The following ZNF804B variants were observed in gnomAD, a reference collection of about 807,000 sequenced individuals.
The protein encoded by ZNF804B is zinc finger 804B.
A neutral mutation model predicts 101.4 loss-of-function variants in ZNF804B; 80 were observed. That is an observed-to-expected ratio of 0.79 (90% CI 0.66 to 0.95). ZNF804B has a LOEUF of 0.95. Among genes scored for constraint, ZNF804B ranks in the 40% least tolerant of loss-of-function variants. The probability of loss-of-function intolerance (pLI) is 0.00; values close to 1 mark genes in which losing one functional copy is unlikely to be tolerated. For missense variants in ZNF804B, 1,673 were observed against 1,561.9 expected, an observed-to-expected ratio of 1.07 and a Z score of -1.20; for synonymous variants, 622 against 558.8, an observed-to-expected ratio of 1.11 and a Z score of -1.59.
In ZNF804B at chr7:89,164,839, C is replaced by G. The variant is rs542019221; in HGVS notation, c.109-53316C>G. Among the ~76,000 whole-genome samples the G allele has an allele frequency of 9.3e-4, 142 of 152,074 alleles. 1 individual carries two copies. Among genetic ancestry groups the G allele is most frequent in the African/African-American group, 3.3e-3 (138 of 41,510 alleles). Reference sequence around the variant, plus strand: ...CTTTTAGATATCAGTACCATTGTCTCTAGGCTAAATAATGAGATTAAGGAT... The same window carrying G: ...CTTTTAGATATCAGTACCATTGTCTGTAGGCTAAATAATGAGATTAAGGAT... On this transcript the variant is annotated intron_variant, in intron 1 of 3. Transcript: ENST00000333190.
At chr7:89,162,194 T>C (rs1046991679) in intron 1 of ZNF804B, among the ~76,000 whole-genome samples, 4 of 152,156 alleles carry the variant, frequency 2.6e-5, no homozygotes, top group African/African-American at 9.7e-5. Flanking sequence ...TTTTAACAAG[T>C]ATAGATACAC....
chr7:89,334,498 T>G lies in ZNF804B; in HGVS notation c.1516T>G (p.Leu506Val). ...AAAAACAGAATTGGGTAAGAAGCCC[T>G]TGGAATTGAAGACTAAAAGAGAGAG... ...DLKTELGKKP[L>V]ELKTKRESQV... The change falls in exon 4 of 4, where the codon TTG becomes GTG. Residue 506 changes from leucine (L) to valine (V), a missense_variant. Leu to Val is a conservative substitution (Grantham distance 32). Coordinates refer to ENST00000333190, the MANE Select transcript of ZNF804B (RefSeq NM_181646.5). 1 of 1,613,686 alleles carries G rather than the reference T, an allele frequency of 6.2e-7. No homozygotes were observed. Among genetic ancestry groups the G allele is most frequent in the Non-Finnish European group, 8.5e-7 (1 of 1,179,806 alleles).
At position 88,867,038 on chromosome 7, in the gene ZNF804B, C is replaced by T. The variant is rs950980142; in HGVS notation, c.108+106954C>T. Among the ~76,000 whole-genome samples, 6 of 152,196 alleles carry T rather than the reference C, an allele frequency of 3.9e-5. No homozygotes were observed. In the East Asian group the frequency reaches 5.8e-4, roughly 15 times the overall value. Reference sequence around the variant, plus strand: ...TTTGTGGCCATATGCACACAGTAGACTCTTATTAGTGGAATGATGAGTACA... The same window carrying T: ...TTTGTGGCCATATGCACACAGTAGATTCTTATTAGTGGAATGATGAGTACA... On this transcript the variant is annotated intron_variant, in intron 1 of 3. Coordinates refer to ENST00000333190, the MANE Select transcript of ZNF804B (RefSeq NM_181646.5).
intron 1 of ZNF804B, among the ~76,000 whole-genome samples, chr7:89,075,160 A>G (rs1789596324): frequency 6.6e-6 from 1 of 152,218 alleles, no homozygotes; most frequent in Non-Finnish European, 1.5e-5. Flanking sequence ...TTCTAAGGAC[A>G]AATTCAAGCT....
chr7:89,022,191 A>C (rs564353547), intron 1 of ZNF804B, among the ~76,000 whole-genome samples: 3 of 152,028 alleles, frequency 2.0e-5, no homozygotes, highest in African/African-American at 7.2e-5. Context: ...GGGACCTCTC[A>C]TCTCCCCTGC....
In ZNF804B at chr7:88,800,629, G is replaced by A. The variant is rs1790563142; in HGVS notation, c.108+40545G>A. Among the ~76,000 whole-genome samples, 3 of 151,724 alleles carry A rather than the reference G, an allele frequency of 2.0e-5. No individual in the cohort carries two copies. In the South Asian group the frequency reaches 6.2e-4, roughly 32 times the overall value. On this transcript the variant is annotated intron_variant, in intron 1 of 3. Transcript: ENST00000333190. ...ATGAACAATGAAAGCACAAAATTTGGAAACATTTAAATTTGGCTGGAAGAA... is the reference window on the plus strand; with the variant it reads ...ATGAACAATGAAAGCACAAAATTTGAAAACATTTAAATTTGGCTGGAAGAA...
At chr7:88,944,794 T>A (rs920837786) in intron 1 of ZNF804B, among the ~76,000 whole-genome samples, 1 of 151,884 alleles carries the variant, frequency 6.6e-6, no homozygotes, top group East Asian at 1.9e-4. Context: ...CCAAAACTTT[T>A]TGAGTGCTGA....
At chr7:88,763,771 AT>A in intron 1 of ZNF804B, among the ~76,000 whole-genome samples, 1 of 152,184 alleles carries the variant, frequency 6.6e-6, no homozygotes, top group East Asian at 1.9e-4. Flanking sequence ...AGATAGATAG[AT>A]AGATAGATAG....
rs116872876 is a variant in ZNF804B, at chr7:89,332,621, A to G, written c.381-742A>G. Among the ~76,000 whole-genome samples, 1,161 of 151,996 alleles carry G rather than the reference A, an allele frequency of 7.6e-3. 11 individuals are homozygous for G. Among genetic ancestry groups the G allele is most frequent in the Admixed American group, 0.015 (231 of 15,208 alleles). On this transcript the variant is annotated intron_variant, in intron 3 of 3. Transcript: ENST00000333190. The stretch of plus-strand genomic sequence containing the variant: ...TCTCTTATATATGTTGATATTTTCA[A>G]TCTTCTGTATGAATTGCTAATGAAG...
At chr7:89,229,880 A>C (rs1789162569) in intron 2 of ZNF804B, among the ~76,000 whole-genome samples, 1 of 152,214 alleles carries the variant, frequency 6.6e-6, no homozygotes, top group South Asian at 2.1e-4. Flanking sequence ...ATCACAATGT[A>C]ATTAAACTAG....
chr7:88,856,195 G>A (rs1426878748), intron 1 of ZNF804B, among the ~76,000 whole-genome samples: 1 of 152,094 alleles, frequency 6.6e-6, no homozygotes, highest in Non-Finnish European at 1.5e-5. Flanking sequence ...ATTACCTTGG[G>A]CAGCATGGCC....
At chr7:89,236,522 A>G (rs1444640092) in intron 2 of ZNF804B, among the ~76,000 whole-genome samples, 1 of 152,150 alleles carries the variant, frequency 6.6e-6, no homozygotes, top group Admixed American at 6.5e-5. Flanking sequence ...TAAAATTAGA[A>G]CTTTCCAATT....
chr7:89,154,212 A>G (rs555624540), intron 1 of ZNF804B, among the ~76,000 whole-genome samples: 1 of 152,296 alleles, frequency 6.6e-6, no homozygotes, highest in South Asian at 2.1e-4. Context: ...AATGGCTTAT[A>G]TCCAAAACAC....
chr7:88,863,737 A>G (rs1170151474), intron 1 of ZNF804B, among the ~76,000 whole-genome samples: 1 of 152,250 alleles, frequency 6.6e-6, no homozygotes, highest in Non-Finnish European at 1.5e-5. Context: ...TATTGCTAAG[A>G]GAATGCCAAT....
intron 1 of ZNF804B, among the ~76,000 whole-genome samples, chr7:88,818,824 TA>T: frequency 6.6e-6 from 1 of 152,308 alleles, no homozygotes; most frequent in East Asian, 1.9e-4. Context: ...GTATCAACAC[TA>T]AAGTACTGCT....
chr7:89,195,596 C>A (rs1364860393), intron 1 of ZNF804B, among the ~76,000 whole-genome samples: 1 of 150,170 alleles, frequency 6.7e-6, no homozygotes, highest in Admixed American at 6.6e-5. Flanking sequence ...ACAATTGCTT[C>A]AAAGAGAATA....
intron 1 of ZNF804B, among the ~76,000 whole-genome samples, chr7:88,768,221 C>T (rs1790012091): frequency 6.6e-6 from 1 of 152,120 alleles, no homozygotes; most frequent in Non-Finnish European, 1.5e-5. Flanking sequence ...AAATTTCCAC[C>T]TAGTCATTGA....
At chr7:89,291,104 G>C (rs1790283239) in intron 2 of ZNF804B, among the ~76,000 whole-genome samples, 1 of 152,150 alleles carries the variant, frequency 6.6e-6, no homozygotes, top group Non-Finnish European at 1.5e-5. Context: ...TACAGATACA[G>C]CTTAGATCAC....
chr7:89,155,307 A>AT (rs1790941299), intron 1 of ZNF804B, among the ~76,000 whole-genome samples: 1 of 152,102 alleles, frequency 6.6e-6, no homozygotes, highest in South Asian at 2.1e-4. Flanking sequence ...GTTAGCTCAG[A>AT]TTTTTCCCTT....
Sources: allele counts gnomAD v4.1 joint callset (sites outside exome capture counted in the v4.1 genomes callset), GRCh38; gene constraint gnomAD v4.1.1; transcripts MANE v1.5; gene names NCBI Gene and HGNC (gene_info 2026-07-23, HGNC 2026-07-21).